PLPPR1: variants seen among roughly 807,000 people sequenced by gnomAD.
The protein encoded by PLPPR1 is phospholipid phosphatase-related protein type 1.
A neutral mutation model predicts 33.1 loss-of-function variants in PLPPR1; 10 were observed. The observed-to-expected ratio is 0.30, with a 90% CI of 0.19 to 0.51. The LOEUF (loss-of-function observed/expected upper bound fraction) is 0.51. Ranked by LOEUF, PLPPR1 falls within the 20% of genes least tolerant of loss-of-function variation. The pLI, the probability that PLPPR1 is intolerant of heterozygous loss-of-function variation, is 0.97. For synonymous variants in PLPPR1, 151 were observed against 151.0 expected, an observed-to-expected ratio of 1.00 and a Z score of 0.00; for missense variants, 304 against 408.1, an observed-to-expected ratio of 0.74 and a Z score of 2.20.
intron 1 of PLPPR1, among the ~76,000 whole-genome samples, chr9:101,035,480 C>G (rs1398565820): frequency 6.6e-6 from 1 of 152,130 alleles, no homozygotes; most frequent in East Asian, 1.9e-4. Context: ...TCAGGCCTTT[C>G]GCCATGCTGT....
At chr9:101,074,050 T>C (rs1411260524) in intron 1 of PLPPR1, among the ~76,000 whole-genome samples, 5 of 152,168 alleles carry the variant, frequency 3.3e-5, no homozygotes, top group African/African-American at 9.6e-5. Flanking sequence ...AAACAAAGTA[T>C]GACTCAGGCC....
At chr9:101,297,542 A>G (rs905295260) in intron 4 of PLPPR1, among the ~76,000 whole-genome samples, 11 of 152,196 alleles carry the variant, frequency 7.2e-5, no homozygotes, top group Admixed American at 6.5e-5. Context: ...AAATCCAACA[A>G]TACATTTTTC....
intron 1 of PLPPR1, among the ~76,000 whole-genome samples, chr9:101,044,719 A>G (rs561543343): frequency 6.6e-6 from 1 of 152,324 alleles, no homozygotes; most frequent in East Asian, 1.9e-4. Context: ...CAAAGCATAT[A>G]GTATGAATCA....
chr9:101,278,690 G>A (rs2033393), intron 3 of PLPPR1, among the ~76,000 whole-genome samples: 40,474 of 152,004 alleles, frequency 0.27, 5,512 homozygotes, highest in Admixed American at 0.34. Context: ...CCAGACTCCA[G>A]AGTAGTATCC....
At chr9:101,290,837 A>G (rs1402329808) in intron 4 of PLPPR1, among the ~76,000 whole-genome samples, 1 of 152,230 alleles carries the variant, frequency 6.6e-6, no homozygotes, top group Non-Finnish European at 1.5e-5. Flanking sequence ...GCTCCAGTCT[A>G]CAGCTCTCAG....
intron 1 of PLPPR1, among the ~76,000 whole-genome samples, chr9:101,044,912 A>G (rs1473550422): frequency 6.6e-6 from 1 of 152,162 alleles, no homozygotes. Flanking sequence ...TATGCTTACT[A>G]TGTTCCCTTC....
chr9:101,221,677 A>G (rs1181914545), intron 2 of PLPPR1, among the ~76,000 whole-genome samples: 1 of 152,210 alleles, frequency 6.6e-6, no homozygotes, highest in Non-Finnish European at 1.5e-5. Context: ...TCAGAGGTGA[A>G]GTAACTGCCC....
At chr9:101,243,390 T>G (rs1377509900) in intron 2 of PLPPR1, among the ~76,000 whole-genome samples, 1 of 151,862 alleles carries the variant, frequency 6.6e-6, no homozygotes, top group Middle Eastern at 3.4e-3. Flanking sequence ...TGGAAAGAAG[T>G]GATGAGGGCC....
intron 2 of PLPPR1, among the ~76,000 whole-genome samples, chr9:101,235,257 A>T (rs1381993403): frequency 1.3e-5 from 2 of 151,816 alleles, no homozygotes; most frequent in Non-Finnish European, 1.5e-5. Context: ...ATATGGGTAG[A>T]AGGGGAGAGG....
chr9:101,313,701 GA>G (rs1449879158), intron 6 of PLPPR1, among the ~76,000 whole-genome samples: 1 of 152,140 alleles, frequency 6.6e-6, no homozygotes, highest in South Asian at 2.1e-4. Context: ...TTGATAAAAA[GA>G]GGTTAATTTT....
chr9:101,221,185 C>T (rs1301153058), intron 2 of PLPPR1, among the ~76,000 whole-genome samples: 1 of 152,042 alleles, frequency 6.6e-6, no homozygotes, highest in Non-Finnish European at 1.5e-5. Flanking sequence ...TCCTGGTGTA[C>T]CCATCACCTG....
At chr9:101,045,575 G>A (rs1247153039) in intron 1 of PLPPR1, among the ~76,000 whole-genome samples, 1 of 152,202 alleles carries the variant, frequency 6.6e-6, no homozygotes, top group Non-Finnish European at 1.5e-5. Flanking sequence ...TTACTCTAAA[G>A]AAGCATATTT....
intron 1 of PLPPR1, among the ~76,000 whole-genome samples, chr9:101,076,267 C>T (rs1830535402): frequency 6.6e-6 from 1 of 151,950 alleles, no homozygotes; most frequent in Non-Finnish European, 1.5e-5. Flanking sequence ...CCTTGTTTGC[C>T]ATGATAAGGA....
chr9:101,121,728 C>G (rs984035294), intron 1 of PLPPR1, among the ~76,000 whole-genome samples: 1 of 152,130 alleles, frequency 6.6e-6, no homozygotes, highest in African/African-American at 2.4e-5. Flanking sequence ...CTTAGATTTA[C>G]AAGAGTTGCA....
chr9:101,128,921 C>T (rs1831281047), intron 1 of PLPPR1, among the ~76,000 whole-genome samples: 2 of 152,144 alleles, frequency 1.3e-5, no homozygotes, highest in African/African-American at 4.8e-5. Flanking sequence ...TGGTACAAAG[C>T]TGATCTATTC....
rs76739666 is a variant in PLPPR1 at position 101,312,760 on chromosome 9, A to G, written c.637-38A>G. On this transcript the variant is annotated intron_variant, in intron 5 of 7. Transcript: ENST00000374874. ...TGCATGTGTACTCATAGCACAAGGC[A>G]GCTGCCTGGTCACTCCCTGGCCTCT... The G allele has an allele frequency of 0.013, 21,422 of 1,591,478 alleles. 1,044 individuals carry two copies. The African/African-American group carries it at 0.16, about 12-fold the overall frequency.
At chr9:101,065,141 G>A (rs1291593825) in intron 1 of PLPPR1, among the ~76,000 whole-genome samples, 1 of 152,060 alleles carries the variant, frequency 6.6e-6, no homozygotes, top group Non-Finnish European at 1.5e-5. Context: ...GACTTGCAGA[G>A]CATTTTAAGG....
chr9:101,120,684 A>T (rs1831168289), intron 1 of PLPPR1, among the ~76,000 whole-genome samples: 1 of 152,222 alleles, frequency 6.6e-6, no homozygotes, highest in African/African-American at 2.4e-5. Context: ...CCTTCAACAG[A>T]TGTAAGTGTG....
At chr9:101,137,145 A>G (rs1831387165) in intron 1 of PLPPR1, among the ~76,000 whole-genome samples, 3 of 152,224 alleles carry the variant, frequency 2.0e-5, no homozygotes, top group Admixed American at 1.3e-4. Flanking sequence ...ATTAAAAATG[A>G]AAAAGATGTG....
Sources: gnomAD v4.1 joint callset for allele counts (sites outside exome capture counted in the v4.1 genomes callset) on GRCh38, gnomAD v4.1.1 for gene constraint, MANE v1.5 for transcripts, NCBI Gene and HGNC (gene_info 2026-07-23, HGNC 2026-07-21) for gene names.